Variants in LAMB1 observed in about 807,000 individuals in gnomAD.
The protein encoded by LAMB1 is laminin subunit beta-1.
In LAMB1, 121 loss-of-function variants were observed where a neutral mutation model predicts 222.3. That is an observed-to-expected ratio of 0.54 (90% CI 0.47 to 0.63). LAMB1 has a LOEUF of 0.63. Ranked by LOEUF, LAMB1 falls within the 30% of genes least tolerant of loss-of-function variation. The pLI, the probability that LAMB1 is intolerant of heterozygous loss-of-function variation, is 0.00. For synonymous variants in LAMB1, 794 were observed against 807.2 expected (o/e 0.98, Z 0.28); for missense variants, 2,172 against 2,240.8 (o/e 0.97, Z 0.62).
chr7:107,964,696 G>A lies in LAMB1; in HGVS notation c.1563-9C>T. ...CTGACTCCGCAAAGCAACTGGAAGG[G>A]AGGAGGAGCCACATCAGCTGAGTTC... On this transcript the variant is annotated splice_polypyrimidine_tract_variant and intron_variant, in intron 13 of 33. Coordinates refer to ENST00000222399, the MANE Select transcript of LAMB1 (RefSeq NM_002291.3). 3 of 1,613,976 alleles carry A rather than the reference G, an allele frequency of 1.9e-6. No homozygotes were observed. Among genetic ancestry groups the A allele is most frequent in the Non-Finnish European group, 2.5e-6 (3 of 1,179,964 alleles).
At position 107,924,584 on chromosome 7, in the gene LAMB1, A is replaced by C. The variant is rs984820529; in HGVS notation, c.5065-195T>G. Among the ~76,000 whole-genome samples, 3 of 152,226 alleles carry C rather than the reference A, an allele frequency of 2.0e-5. No homozygotes were observed. In the East Asian group the frequency reaches 5.8e-4, roughly 29 times the overall value. ...GACATGATTTTAAAGAACATTTCAA[A>C]AAATTCTGGAGTTGCAGCAAATCCT... is the stretch of plus-strand genomic sequence containing the variant. On this transcript the variant is annotated intron_variant, in intron 32 of 33. Coordinates refer to ENST00000222399, the MANE Select transcript of LAMB1 (RefSeq NM_002291.3).
chr7:107,929,952 G>C (rs1217427086), intron 29 of LAMB1: 3 of 338,500 alleles, frequency 8.9e-6, no homozygotes, highest in Non-Finnish European at 1.7e-5. Context: ...GGGGAGACAG[G>C]AACGGCAGAG....
rs564093554 is a variant in LAMB1 at position 107,953,673 on chromosome 7, T to C, written c.2936A>G (p.His979Arg). ...VGGSCQPCQC[H>R]NNIDTTDPEA... is the part of the protein sequence containing the mutation. ...TGGGTCTGTCGTGTCAATGTTGTTG[T>C]GACACTGGCAAGGCTGACACGACCC... is the stretch of plus-strand genomic sequence containing the variant. The change falls in exon 22 of 34, where the codon CAC becomes CGC. Residue 979 changes from histidine to arginine, a missense_variant. Physicochemically the swap from His to Arg is conservative, Grantham distance 29. Transcript: ENST00000222399. The C allele has an allele frequency of 2.0e-5, 33 of 1,614,200 alleles. No individual in the cohort carries two copies. In the East Asian group the frequency reaches 6.9e-4, roughly 34 times the overall value.
Position 107,975,625 on chromosome 7 carries a change from A to G in LAMB1, c.1189+64T>C. ...CATACTATGAGCTCTGAGACTACTG[A>G]CTATTCAGTTTGGAAGGCAATCTGA... is the stretch of plus-strand genomic sequence containing the variant. On this transcript the variant is annotated intron_variant, in intron 10 of 33. Transcript: ENST00000222399. The G allele has an allele frequency of 4.8e-6, 7 of 1,466,524 alleles. No homozygotes were observed. In the South Asian group the frequency reaches 8.9e-5, roughly 19 times the overall value. 90.8% of individuals were successfully genotyped at this position (1,466,524 alleles called of 1,614,324 possible).
chr7:107,953,414 C>A, intron 22 of LAMB1, 116 bp downstream of exon 22: 1 of 783,566 alleles, frequency 1.3e-6, no homozygotes, highest in Non-Finnish European at 2.0e-6. Flanking sequence ...GAAATTTTAC[C>A]TCTCTGAACA....
chr7:107,939,332 G>C (rs1370224087), intron 25 of LAMB1, among the ~76,000 whole-genome samples: 1 of 152,062 alleles, frequency 6.6e-6, no homozygotes, highest in Non-Finnish European at 1.5e-5. Context: ...CAATCAGAGG[G>C]AAGATTACCT....
At chr7:107,971,337 C>G (rs918964592) in intron 13 of LAMB1, among the ~76,000 whole-genome samples, 11 of 152,146 alleles carry the variant, frequency 7.2e-5, no homozygotes, top group African/African-American at 2.7e-4. Flanking sequence ...ATTTCTTTTA[C>G]TACGTAAAAA....
At chr7:107,949,942 A>G (rs185939108) in intron 24 of LAMB1, among the ~76,000 whole-genome samples, 2 of 152,322 alleles carry the variant, frequency 1.3e-5, no homozygotes, top group African/African-American at 4.8e-5. Flanking sequence ...TAAAAATTTA[A>G]GAGTCCTGGC....
At chr7:107,956,050 C>T (rs1181152246) in intron 20 of LAMB1, among the ~76,000 whole-genome samples, 1 of 152,244 alleles carries the variant, frequency 6.6e-6, no homozygotes, top group Non-Finnish European at 1.5e-5. Context: ...GCATGCACCA[C>T]CATGCCCGGC....
intron 5 of LAMB1, among the ~76,000 whole-genome samples, chr7:107,987,463 G>C (rs2034100991): frequency 6.6e-6 from 1 of 150,636 alleles, no homozygotes; most frequent in Admixed American, 6.6e-5. Context: ...TTACTGCCAA[G>C]AAAAAAAAAG....
chr7:107,966,316 T>A (rs915285669), intron 13 of LAMB1, among the ~76,000 whole-genome samples: 1 of 151,972 alleles, frequency 6.6e-6, no homozygotes, highest in Non-Finnish European at 1.5e-5. Flanking sequence ...GTTCAAGCGA[T>A]TCTCCCACCT....
rs1395458453 is a variant in LAMB1 at position 107,963,048 on chromosome 7, C to G, written c.1714G>C (p.Glu572Gln). 6.2e-7 allele frequency: 1 copy of G among 1,613,234 alleles called. No homozygotes were observed. Among genetic ancestry groups the G allele is most frequent in the African/African-American group, 1.3e-5 (1 of 75,016 alleles). ...ANLGPGVSIV[E>Q]RQYIQDRIPS... The stretch of plus-strand genomic sequence containing the variant: ...ATCCGGTCCTGGATATATTGCCGCT[C>G]CACTATGCTAACCCCCTGAGGGCAT... The change falls in exon 15 of 34, where the codon GAG becomes CAG. Residue 572 changes from glutamate (E) to glutamine (Q), a missense_variant. Transcript: ENST00000222399.
intron 7 of LAMB1, 98 bp downstream of exon 7, chr7:107,985,924 T>G: frequency 1.1e-6 from 1 of 946,360 alleles, no homozygotes; most frequent in South Asian, 1.5e-5. Context: ...ACCATTGCAC[T>G]CCAGCCTGGG....
chr7:107,995,098 G>T, intron 4 of LAMB1, 138 bp from the exon 5 acceptor site: 1 of 560,112 alleles, frequency 1.8e-6, no homozygotes, highest in Non-Finnish European at 3.2e-6. Context: ...AGCTGAAGCT[G>T]AAACTAAATA....
chr7:107,975,476 T>A lies in LAMB1; in HGVS notation c.1190-63A>T, dbSNP rs538148938. On this transcript the variant is annotated intron_variant, in intron 10 of 33. Coordinates refer to ENST00000222399, the MANE Select transcript of LAMB1 (RefSeq NM_002291.3). Reference sequence around the variant, plus strand: ...GAAACTCAATGTATCTTTGTATAAATACATATATTCCCTTCCTCCCTCTAA... The same window carrying A: ...GAAACTCAATGTATCTTTGTATAAAAACATATATTCCCTTCCTCCCTCTAA... 1.2e-5 allele frequency: 17 copies of A among 1,451,246 alleles called. No individual in the cohort carries two copies. In the African/African-American group the frequency reaches 2.1e-4, roughly 18 times the overall value. The allele number at this position is 1,451,246 out of a possible 1,614,324, so 89.9% of individuals were successfully genotyped here. A position where few individuals can be genotyped will look rare whatever the true frequency, so the allele number is the denominator to read the frequency against.
At chr7:107,943,583 C>G (rs2033044553) in intron 24 of LAMB1, among the ~76,000 whole-genome samples, 2 of 151,436 alleles carry the variant, frequency 1.3e-5, no homozygotes, top group South Asian at 2.1e-4. Flanking sequence ...GGGTAGGTAT[C>G]AGAATCACCT....
intron 14 of LAMB1, among the ~76,000 whole-genome samples, 182 bp downstream of exon 14, chr7:107,964,370 A>G (rs564533002): frequency 3.9e-4 from 60 of 152,332 alleles, no homozygotes; most frequent in Non-Finnish European, 7.5e-4. Context: ...CCAATTTGTG[A>G]GTTATAGAAT....
At position 107,975,350 on chromosome 7, in the gene LAMB1, G is replaced by C. The variant is rs2033830600; in HGVS notation, c.1253C>G (p.Ser418Cys). 6.2e-7 allele frequency: 1 copy of C among 1,613,942 alleles called. No individual in the cohort carries two copies. Among genetic ancestry groups the C allele is most frequent in the Non-Finnish European group, 8.5e-7 (1 of 1,179,980 alleles). The change falls in exon 11 of 34, where the codon TCT becomes TGT. Residue 418 changes from serine to cysteine, a missense_variant. Transcript: ENST00000222399. Reference sequence around the variant, plus strand: ...ACACTGGCCAGCAATGAGACCAGTAGAAAAATCAGTATAGCTGTCACAAAT... The same window carrying C: ...ACACTGGCCAGCAATGAGACCAGTACAAAAATCAGTATAGCTGTCACAAAT... ...EGICDSYTDFSTGLIAGQCRC... is the reference protein window; with the variant it reads ...EGICDSYTDFCTGLIAGQCRC...
chr7:107,954,994 C>T (rs2033344304), intron 21 of LAMB1, among the ~76,000 whole-genome samples: 1 of 152,152 alleles, frequency 6.6e-6, no homozygotes, highest in Non-Finnish European at 1.5e-5. Flanking sequence ...GAGTTTTTAA[C>T]AACCCAGCTA....
Sources: gnomAD v4.1 joint callset for allele counts (sites outside exome capture counted in the v4.1 genomes callset) on GRCh38, gnomAD v4.1.1 for gene constraint, MANE v1.5 for transcripts, NCBI Gene and HGNC (gene_info 2026-07-23, HGNC 2026-07-21) for gene names.